ST8SIA3: variants seen among roughly 807,000 people sequenced by gnomAD.
ST8SIA3 encodes alpha-N-acetylneuraminate alpha-2,8-sialyltransferase ST8SIA3.
Under a neutral mutation model 34.5 loss-of-function variants are expected in ST8SIA3, and 17 were observed. The ratio of observed to expected loss-of-function variants is 0.49; its 90% CI spans 0.34 to 0.74. The LOEUF (loss-of-function observed/expected upper bound fraction) is 0.74. ST8SIA3 is among the 30% of genes least tolerant of loss of function. The probability of loss-of-function intolerance (pLI) is 0.01; values close to 1 mark genes in which losing one functional copy is unlikely to be tolerated. For missense variants in ST8SIA3, 354 were observed against 467.8 expected, an observed-to-expected ratio of 0.76 and a Z score of 2.24; for synonymous variants, 172 against 176.1, an observed-to-expected ratio of 0.98 and a Z score of 0.19.
Position 57,366,400 on chromosome 18 carries a change from C to T in ST8SIA3, c.*6123C>T, listed in dbSNP as rs888743053. 3.9e-5 allele frequency: 6 copies of T among 152,572 alleles called. No homozygotes were observed. Among genetic ancestry groups the T allele is most frequent in the African/African-American group, 1.4e-4 (6 of 41,426 alleles). 9.5% of individuals were successfully genotyped at this position (152,572 alleles called of 1,614,324 possible). On this transcript the variant is annotated 3_prime_UTR_variant, in exon 4 of 4. Coordinates refer to ENST00000324000, the MANE Select transcript of ST8SIA3 (RefSeq NM_015879.3). ...TTTCTAATTTCTAAGGGTGACCCTC[C>T]AGGAAAACATTCTTTAATTTAACTA...
chr18:57,355,744 C>T (rs1016320329), intron 2 of ST8SIA3, among the ~76,000 whole-genome samples: 5 of 152,168 alleles, frequency 3.3e-5, no homozygotes, highest in African/African-American at 1.2e-4. Context: ...GCCATGTGAC[C>T]CAAATGACCA....
chr18:57,356,476 T>A (rs2049798187), intron 2 of ST8SIA3, among the ~76,000 whole-genome samples: 1 of 152,236 alleles, frequency 6.6e-6, no homozygotes, highest in South Asian at 2.1e-4. Flanking sequence ...TGATATTCTT[T>A]GAGCACTTCA....
At chr18:57,354,985 A>G (rs2144199626) in intron 2 of ST8SIA3, among the ~76,000 whole-genome samples, 1 of 152,364 alleles carries the variant, frequency 6.6e-6, no homozygotes, top group Non-Finnish European at 1.5e-5. Context: ...GGAAAATGCC[A>G]TAATCTGTCT....
chr18:57,354,154 A>C (rs370294268), intron 1 of ST8SIA3, among the ~76,000 whole-genome samples: 80 of 152,316 alleles, frequency 5.3e-4, no homozygotes, highest in African/African-American at 1.9e-3. Flanking sequence ...TGCTCTCCGC[A>C]TGACGGCCAT....
intron 3 of ST8SIA3, 68 bp downstream of exon 3, chr18:57,357,538 G>A (rs995702081): frequency 1.6e-6 from 2 of 1,269,864 alleles, no homozygotes; most frequent in African/African-American, 3.0e-5. Context: ...AATCTCTTGG[G>A]GGTGGGAGCC....
chr18:57,353,047 A>T, intron 1 of ST8SIA3, 22 bp downstream of exon 1: 2 of 1,597,992 alleles, frequency 1.3e-6, no homozygotes, highest in Non-Finnish European at 1.7e-6. Context: ...CCTCTGTGTT[A>T]GTGCCCTCGG....
rs910730150 is a variant in ST8SIA3, at chr18:57,362,296, T to C, written c.*2019T>C. The C allele has an allele frequency of 1.3e-5, 2 of 152,220 alleles. No individual in the cohort carries two copies. The highest frequency in any genetic ancestry group is 2.9e-5 in the Non-Finnish European group (2 of 68,040). 9.4% of individuals were successfully genotyped at this position (152,220 alleles called of 1,614,324 possible). On this transcript the variant is annotated 3_prime_UTR_variant, in exon 4 of 4. Transcript: ENST00000324000. ...CTGACAGAAGTGTTTAGTTGGCTGTTCCTGAGCACTTAGTTCATTTGGTTA... is the reference window on the plus strand; with the variant it reads ...CTGACAGAAGTGTTTAGTTGGCTGTCCCTGAGCACTTAGTTCATTTGGTTA...
In ST8SIA3 at chr18:57,361,032, T is replaced by G. The variant is rs765235480; in HGVS notation, c.*755T>G. The G allele has an allele frequency of 2.0e-5, 3 of 152,164 alleles. No homozygotes were observed. Among genetic ancestry groups the G allele is most frequent in the Non-Finnish European group, 4.4e-5 (3 of 68,072 alleles). The allele number at this position is 152,164 out of a possible 1,614,324, so 9.4% of individuals were successfully genotyped here. A position where few individuals can be genotyped will look rare whatever the true frequency, so the allele number is the denominator to read the frequency against. ...AGCAAGATGGTCCCTCTGTGGTGAG[T>G]GGGATATAAGGCAGTGCATCTTTCA... is the stretch of plus-strand genomic sequence containing the variant. On this transcript the variant is annotated 3_prime_UTR_variant, in exon 4 of 4. Transcript: ENST00000324000.
chr18:57,359,484 T>C (rs2049817429), intron 3 of ST8SIA3, among the ~76,000 whole-genome samples: 1 of 152,210 alleles, frequency 6.6e-6, no homozygotes. Flanking sequence ...ATGAAGGGTT[T>C]ATTTCTAGGT....
intron 1 of ST8SIA3, 94 bp downstream of exon 1, chr18:57,353,119 C>T (rs2049774813): frequency 7.6e-7 from 1 of 1,316,708 alleles, no homozygotes; most frequent in Non-Finnish European, 1.1e-6. Context: ...TTTGGCCTCT[C>T]CGAGACTCTT....
At position 57,368,185 on chromosome 18, in the gene ST8SIA3, G is replaced by T. The variant is rs1210858968; in HGVS notation, c.*7908G>T. The T allele has an allele frequency of 6.6e-6, 1 of 152,192 alleles. No homozygotes were observed. Among genetic ancestry groups the T allele is most frequent in the Non-Finnish European group, 1.5e-5 (1 of 68,040 alleles). 9.4% of individuals were successfully genotyped at this position (152,192 alleles called of 1,614,324 possible). On this transcript the variant is annotated 3_prime_UTR_variant, in exon 4 of 4. Transcript: ENST00000324000. ...TGCTTCCATTAGTTAGATGGACATT[G>T]ACAATTAATTGTGAAAGCATTAATT... is the stretch of plus-strand genomic sequence containing the variant.
chr18:57,354,827 G>C (rs1312674234), intron 2 of ST8SIA3, among the ~76,000 whole-genome samples: 1 of 148,334 alleles, frequency 6.7e-6, no homozygotes, highest in East Asian at 2.0e-4. Flanking sequence ...CAGCTAACAA[G>C]TCTGGCAAGT....
Position 57,352,850 on chromosome 18 carries a change from A to G in ST8SIA3, c.4A>G (p.Arg2Gly), listed in dbSNP as rs756499166. 7 of 1,613,394 alleles carry G rather than the reference A, an allele frequency of 4.3e-6. No individual in the cohort carries two copies. Among genetic ancestry groups the G allele is most frequent in the African/African-American group, 2.7e-5 (2 of 74,988 alleles). Reference protein sequence around the residue: MRNCKMARVASV... With the variant: MGNCKMARVASV... Reference sequence around the variant, plus strand: ...CCTGAACCCAGCCCAGCCCGGGATGAGAAACTGCAAAATGGCCCGGGTCGC... The same window carrying G: ...CCTGAACCCAGCCCAGCCCGGGATGGGAAACTGCAAAATGGCCCGGGTCGC... The change falls in exon 1 of 4, where the codon AGA becomes GGA. Residue 2 changes from arginine to glycine, a missense_variant. By Grantham distance (125) the Arg-to-Gly change is moderately radical. Around this residue, in one of 3 missense-constraint regions of ST8SIA3, gnomAD observed 184 missense variants for 205.4 expected, o/e 0.90. Coordinates refer to ENST00000324000, the MANE Select transcript of ST8SIA3 (RefSeq NM_015879.3).
At chr18:57,354,372 A>G in intron 1 of ST8SIA3, 30 bp from the exon 2 acceptor site, 1 of 1,613,430 alleles carries the variant, frequency 6.2e-7, no homozygotes, top group South Asian at 1.1e-5. Flanking sequence ...TGAGGCCAGC[A>G]CGCTTGTCTG....
In ST8SIA3 at chr18:57,366,440, G is replaced by A. The variant is rs888482567; in HGVS notation, c.*6163G>A. The A allele has an allele frequency of 1.3e-5, 2 of 152,506 alleles. No homozygotes were observed. The highest frequency in any genetic ancestry group is 3.8e-4 in the East Asian group (2 of 5,200). 9.4% of individuals were successfully genotyped at this position (152,506 alleles called of 1,614,324 possible). On this transcript the variant is annotated 3_prime_UTR_variant, in exon 4 of 4. Transcript: ENST00000324000. ...TAATTTAACTACCAGTTAAAACCAT[G>A]TTTGGCTGATCTTTTTTAAAAAATC... is the stretch of plus-strand genomic sequence containing the variant.
chr18:57,354,559 T>C, intron 2 of ST8SIA3, 35 bp downstream of exon 2: 1 of 1,611,236 alleles, frequency 6.2e-7, no homozygotes, highest in Non-Finnish European at 8.5e-7. Context: ...AAGGTGCTTT[T>C]AAGAATTCAA....
Position 57,356,900 on chromosome 18 carries a change from C to T in ST8SIA3, c.303-13C>T. The T allele has an allele frequency of 6.6e-7, 1 of 1,523,760 alleles. No homozygotes were observed. The highest frequency in any genetic ancestry group is 9.0e-7 in the Non-Finnish European group (1 of 1,116,372). 94.4% of individuals were successfully genotyped at this position (1,523,760 alleles called of 1,614,324 possible). A position where few individuals can be genotyped will look rare whatever the true frequency, so the allele number is the denominator to read the frequency against. On this transcript the variant is annotated splice_polypyrimidine_tract_variant and intron_variant, in intron 2 of 3. Transcript: ENST00000324000. The stretch of plus-strand genomic sequence containing the variant: ...TGAATGGAATGCTTTTCATGAATTT[C>T]TTTTTATTTTAGGCAAGAAATTCTT...
chr18:57,364,727 C>T lies in ST8SIA3; in HGVS notation c.*4450C>T, dbSNP rs1244802587. The T allele has an allele frequency of 6.6e-6, 1 of 152,634 alleles. No homozygotes were observed. The allele number at this position is 152,634 out of a possible 1,614,324, so 9.5% of individuals were successfully genotyped here. On this transcript the variant is annotated 3_prime_UTR_variant, in exon 4 of 4. Transcript: ENST00000324000. The stretch of plus-strand genomic sequence containing the variant: ...GGCCCAATTAATCGAGGCCACAGAT[C>T]AGTTGGTACTAAGCATCAAAATGAT...
In ST8SIA3 at chr18:57,363,885, GT is replaced by G. The variant is rs1390079156; in HGVS notation, c.*3609del. The G allele has an allele frequency of 6.6e-6, 1 of 152,192 alleles. No individual in the cohort carries two copies. The highest frequency in any genetic ancestry group is 2.4e-5 in the African/African-American group (1 of 41,422). 9.4% of individuals were successfully genotyped at this position (152,192 alleles called of 1,614,324 possible). A position where few individuals can be genotyped will look rare whatever the true frequency, so the allele number is the denominator to read the frequency against. ...TTGCCCCAGATGACACTGTCAATTA[GT>G]GGAGAAATTATGATTCCTCCTCTAG... On this transcript the variant is annotated 3_prime_UTR_variant, in exon 4 of 4. Transcript: ENST00000324000.
Sources: allele counts gnomAD v4.1 joint callset (sites outside exome capture counted in the v4.1 genomes callset), GRCh38; gene constraint gnomAD v4.1.1; regional missense constraint gnomAD v4.1.1; transcripts MANE v1.5; gene names NCBI Gene and HGNC (gene_info 2026-07-23, HGNC 2026-07-21).